The following IFT46 variants were observed in gnomAD, a reference collection of about 807,000 sequenced individuals.
IFT46 encodes intraflagellar transport protein 46 homolog.
IFT46 carries 19 observed loss-of-function variants against 39.6 expected under a neutral mutation model. The observed-to-expected ratio is 0.48, with a 90% CI of 0.33 to 0.70. IFT46 has a LOEUF of 0.70. Among genes scored for constraint, IFT46 ranks in the 30% least tolerant of loss-of-function variants. IFT46 has a pLI of 0.01. For missense variants in IFT46, 334 were observed against 364.8 expected (o/e 0.92, Z 0.69); for synonymous variants, 117 against 134.8 (o/e 0.87, Z 0.91).
At chr11:118,572,746 C>T (rs1938377334) in exon 1 of IFT46, 1 of 554,728 alleles carries the variant, frequency 1.8e-6, no homozygotes, top group Non-Finnish European at 3.1e-6. Context: ...TCCAGTCCAT[C>T]TGTCGTCGTG....
Position 118,560,802 on chromosome 11 carries a change from T to C in IFT46, c.-35-938A>G. ...TACTATCCTCAGAAATGCTTGGTGA[T>C]ACAGGATAAAAATAAATACAACACA... On this transcript the variant is annotated intron_variant, in intron 2 of 11. Coordinates refer to ENST00000264021, the MANE Select transcript of IFT46 (RefSeq NM_001168618.2). 3 of 735,070 alleles carry C rather than the reference T, an allele frequency of 4.1e-6. No individual in the cohort carries two copies. The Admixed American group carries it at 5.3e-5, about 13-fold the overall frequency. 45.5% of individuals were successfully genotyped at this position (735,070 alleles called of 1,614,324 possible).
At chr11:118,559,595 A>T (rs2135502205) in intron 3 of IFT46, among the ~76,000 whole-genome samples, 190 bp downstream of exon 3, 1 of 152,354 alleles carries the variant, frequency 6.6e-6, no homozygotes, top group South Asian at 2.1e-4. Context: ...CAATTGTAGT[A>T]GTAGGCTTTA....
chr11:118,546,325 C>G (rs1555067139), intron 9 of IFT46: 1 of 589,142 alleles, frequency 1.7e-6, no homozygotes, highest in Non-Finnish European at 3.1e-6. Context: ...TGGTGAAATT[C>G]CATCTCTACA....
intron 9 of IFT46, among the ~76,000 whole-genome samples, chr11:118,550,002 C>T (rs1951777577): frequency 6.6e-6 from 1 of 151,504 alleles, no homozygotes; most frequent in Non-Finnish European, 1.5e-5. Context: ...TTGCTCACTG[C>T]AACCTCCGTG....
upstream of IFT46, among the ~76,000 whole-genome samples, chr11:118,569,233 C>T (rs1555072021): frequency 1.3e-5 from 2 of 151,328 alleles, no homozygotes; most frequent in Non-Finnish European, 2.9e-5. Context: ...GAGCTGAGAT[C>T]ATACCATTGC....
chr11:118,546,857 A>G (rs1439441552), intron 9 of IFT46: 1 of 152,234 alleles, frequency 6.6e-6, no homozygotes, highest in East Asian at 1.9e-4. Context: ...TGGGCATGAC[A>G]TCTAACTCAG....
At chr11:118,567,684 A>G (rs1461684048), upstream of IFT46, among the ~76,000 whole-genome samples, 6 of 152,248 alleles carry the variant, frequency 3.9e-5, no homozygotes, top group Admixed American at 2.0e-4. Context: ...AATGAGAGAC[A>G]GCTTTTCTGG....
intron 9 of IFT46, among the ~76,000 whole-genome samples, chr11:118,551,159 G>A (rs184029890): frequency 1.3e-5 from 2 of 151,326 alleles, no homozygotes; most frequent in Admixed American, 6.6e-5. Context: ...ATCACTTGAG[G>A]TCAGGAATTC....
chr11:118,552,887 C>T (rs782576390), intron 7 of IFT46, among the ~76,000 whole-genome samples: 1 of 147,116 alleles, frequency 6.8e-6, no homozygotes, highest in Non-Finnish European at 1.5e-5. Flanking sequence ...GCCTAGACAA[C>T]ATAGGGAGAC....
chr11:118,548,034 C>A (rs562707298), intron 9 of IFT46, among the ~76,000 whole-genome samples: 5 of 148,874 alleles, frequency 3.4e-5, no homozygotes, highest in Non-Finnish European at 7.4e-5. Context: ...GCGTGAGCCA[C>A]CACGCCCAGC....
At chr11:118,545,292 G>C in intron 11 of IFT46, 117 bp downstream of exon 11, 1 of 828,250 alleles carries the variant, frequency 1.2e-6, no homozygotes. Context: ...AAAGGGCGAA[G>C]GTAACTGGGC....
At position 118,552,276 on chromosome 11, in the gene IFT46, C is replaced by T. The variant is rs782395090; in HGVS notation, c.543G>A (p.Thr181=). The change falls in exon 8 of 12, where the codon ACG becomes ACA. Residue 181 remains threonine, a synonymous_variant. Coordinates refer to ENST00000264021, the MANE Select transcript of IFT46 (RefSeq NM_001168618.2). ...GTAATTCAGAGATGCTCTCAATCCA[C>T]GTGTCAATGGCTTTGGGATTCTTTT... ...DAEKNPKAID[T]WIESISELHR... The T allele has an allele frequency of 6.2e-6, 10 of 1,614,172 alleles. No homozygotes were observed. The highest frequency in any genetic ancestry group is 4.0e-5 in the African/African-American group (3 of 75,052).
intron 3 of IFT46, chr11:118,557,688 C>T (rs781860412): frequency 1.2e-6 from 2 of 1,602,758 alleles, no homozygotes; most frequent in African/African-American, 2.7e-5. Flanking sequence ...AATGACTACA[C>T]ATTCTCTCTC....
chr11:118,561,100 GC>G, intron 2 of IFT46: 1 of 1,523,148 alleles, frequency 6.6e-7, no homozygotes, highest in South Asian at 1.1e-5. Context: ...TTGATGGTCA[GC>G]CAGGTGCCTT....
At chr11:118,566,700 A>T (rs569659424), upstream of IFT46, among the ~76,000 whole-genome samples, 58 of 152,034 alleles carry the variant, frequency 3.8e-4, no homozygotes, top group Admixed American at 6.5e-4. Context: ...CTCAAAAAAA[A>T]TTTTTTTTCA....
chr11:118,559,705 T>C (rs1937967032), intron 3 of IFT46, 80 bp downstream of exon 3: 1 of 1,089,344 alleles, frequency 9.2e-7, no homozygotes, highest in Non-Finnish European at 1.4e-6. Context: ...CAAGAAATGT[T>C]TACCGTTGAA....
At chr11:118,563,276 G>A (rs1938122890) in intron 2 of IFT46, among the ~76,000 whole-genome samples, 2 of 152,174 alleles carry the variant, frequency 1.3e-5, no homozygotes, top group Non-Finnish European at 2.9e-5. Flanking sequence ...CCAGGGAGGA[G>A]TGGAAGCAAG....
upstream of IFT46, among the ~76,000 whole-genome samples, chr11:118,568,269 G>T (rs1463910882): frequency 1.3e-5 from 2 of 152,102 alleles, no homozygotes; most frequent in African/African-American, 4.8e-5. Context: ...TTAAAATTGG[G>T]CCAGGTGAAG....
chr11:118,552,524 C>T (rs182090115), intron 7 of IFT46, among the ~76,000 whole-genome samples, 189 bp from the exon 8 acceptor site: 153 of 152,256 alleles, frequency 1.0e-3, no homozygotes, highest in African/African-American at 3.6e-3. Flanking sequence ...CCAGGCATGG[C>T]GGTCACACTT....
Sources: allele counts gnomAD v4.1 joint callset (sites outside exome capture counted in the v4.1 genomes callset), GRCh38; gene constraint gnomAD v4.1.1; transcripts MANE v1.5; gene names NCBI Gene and HGNC (gene_info 2026-07-23, HGNC 2026-07-21).